RBFOX1: variants seen among roughly 807,000 people sequenced by gnomAD.
RBFOX1 encodes the protein RNA binding fox-1 homolog 1.
In RBFOX1, 8 loss-of-function variants were observed where a neutral mutation model predicts 57.7. The observed-to-expected ratio is 0.14, with a 90% CI of 0.08 to 0.25. The LOEUF (loss-of-function observed/expected upper bound fraction) is 0.25, where lower values mean the gene tolerates loss of function less well. Ranked by LOEUF, RBFOX1 falls within the 10% of genes least tolerant of loss-of-function variation. The pLI is 1.00. For missense variants in RBFOX1, 611 were observed against 548.5 expected, an observed-to-expected ratio of 1.11 and a Z score of -1.14; for synonymous variants, 326 against 222.4, an observed-to-expected ratio of 1.47 and a Z score of -4.15.
chr16:6,124,315 AG>A (rs2096573000), intron 1 of RBFOX1, among the ~76,000 whole-genome samples: 1 of 152,166 alleles, frequency 6.6e-6, no homozygotes, highest in African/African-American at 2.4e-5. Flanking sequence ...TTGCAGTTAT[AG>A]CCCCAGCGTG....
chr16:5,545,235 C>A (rs964840894), intron 2 of RBFOX1, among the ~76,000 whole-genome samples: 18 of 152,046 alleles, frequency 1.2e-4, no homozygotes, highest in African/African-American at 4.4e-4. Context: ...GCCTTGGCCT[C>A]CCAAAGTGCT....
intron 4 of RBFOX1, among the ~76,000 whole-genome samples, chr16:7,270,947 G>T (rs969369731): frequency 6.6e-6 from 1 of 152,140 alleles, no homozygotes; most frequent in Non-Finnish European, 1.5e-5. Flanking sequence ...AGGGGTTACG[G>T]TGGGGCTGGG....
At chr16:6,197,080 G>C (rs892829389) in intron 1 of RBFOX1, among the ~76,000 whole-genome samples, 3 of 152,204 alleles carry the variant, frequency 2.0e-5, no homozygotes, top group African/African-American at 7.2e-5. Context: ...CACCTAGCCA[G>C]TGATTTAAGG....
chr16:6,475,404 G>A (rs1181533116), intron 2 of RBFOX1, among the ~76,000 whole-genome samples: 3 of 152,188 alleles, frequency 2.0e-5, no homozygotes, highest in East Asian at 1.9e-4. Context: ...AGTCTGCTAC[G>A]CTTCAGGAAT....
intron 1 of RBFOX1, among the ~76,000 whole-genome samples, chr16:6,312,663 TC>T (rs2080490565): frequency 1.6e-5 from 1 of 61,064 alleles, no homozygotes; most frequent in Non-Finnish European, 4.0e-5. Flanking sequence ...TTTCCTTCCT[TC>T]CTTCCTTCCT....
chr16:7,543,201 G>A (rs1271532069), intron 5 of RBFOX1, among the ~76,000 whole-genome samples: 1 of 152,172 alleles, frequency 6.6e-6, no homozygotes, highest in African/African-American at 2.4e-5. Flanking sequence ...AAGCCTTAGG[G>A]AATGGCCAAT....
At chr16:7,407,296 T>C (rs969397303) in intron 4 of RBFOX1, among the ~76,000 whole-genome samples, 5 of 152,110 alleles carry the variant, frequency 3.3e-5, no homozygotes, top group Non-Finnish European at 7.4e-5. Flanking sequence ...ACAGGTAGTT[T>C]AGAGCTGCCA....
intron 2 of RBFOX1, among the ~76,000 whole-genome samples, chr16:6,570,448 A>G (rs1600181247): frequency 6.6e-6 from 1 of 152,222 alleles, no homozygotes; most frequent in Admixed American, 6.5e-5. Flanking sequence ...CTGAGTTAAT[A>G]CACTCTAATA....
intron 3 of RBFOX1, among the ~76,000 whole-genome samples, chr16:6,890,288 G>T (rs2065095918): frequency 6.6e-6 from 1 of 152,134 alleles, no homozygotes; most frequent in African/African-American, 2.4e-5. Flanking sequence ...GGAGGCCGAG[G>T]CAGGTGGATT....
chr16:6,824,013 G>C (rs1044570532), intron 3 of RBFOX1, among the ~76,000 whole-genome samples: 3 of 152,222 alleles, frequency 2.0e-5, no homozygotes, highest in Non-Finnish European at 4.4e-5. Flanking sequence ...TGAAAGTGTG[G>C]AGAAAGTGTA....
chr16:6,457,545 C>T (rs959814688), intron 2 of RBFOX1, among the ~76,000 whole-genome samples: 1 of 150,828 alleles, frequency 6.6e-6, no homozygotes, highest in Admixed American at 6.7e-5. Flanking sequence ...TAACTTTAAT[C>T]ATCTGAGCTC....
At chr16:6,587,495 T>A (rs149293521) in intron 2 of RBFOX1, among the ~76,000 whole-genome samples, 16,034 of 152,076 alleles carry the variant, frequency 0.11, 1,202 homozygotes, top group East Asian at 0.38. Flanking sequence ...TTGGCCAGGG[T>A]GGTCTTGAAC....
At chr16:6,984,802 G>C (rs1271608798) in intron 3 of RBFOX1, among the ~76,000 whole-genome samples, 1 of 152,000 alleles carries the variant, frequency 6.6e-6, no homozygotes, top group Non-Finnish European at 1.5e-5. Context: ...CACCACACCT[G>C]GCTAATTTTT....
intron 4 of RBFOX1, among the ~76,000 whole-genome samples, chr16:7,369,456 A>T (rs1309388198): frequency 6.6e-6 from 1 of 152,160 alleles, no homozygotes; most frequent in East Asian, 1.9e-4. Context: ...ATGTTCACGC[A>T]TGGAACCAAG....
At chr16:6,749,445 A>G (rs896652891) in intron 3 of RBFOX1, among the ~76,000 whole-genome samples, 1 of 152,176 alleles carries the variant, frequency 6.6e-6, no homozygotes, top group Non-Finnish European at 1.5e-5. Context: ...CAGGCAATTT[A>G]TACTCATAAC....
At chr16:5,889,990 C>G (rs528440546) in intron 4 of RBFOX1, among the ~76,000 whole-genome samples, 3 of 152,184 alleles carry the variant, frequency 2.0e-5, no homozygotes, top group African/African-American at 7.2e-5. Context: ...CCAGCTTCTC[C>G]TCTTCATCTT....
chr16:6,343,906 C>T (rs1399210230), intron 2 of RBFOX1, among the ~76,000 whole-genome samples: 1 of 152,180 alleles, frequency 6.6e-6, no homozygotes, highest in African/African-American at 2.4e-5. Context: ...TGATGCTTCT[C>T]ATGTAAATTG....
rs563247611 is a variant in RBFOX1 at position 5,539,355 on chromosome 16, G to C, written c.259-59547G>C. On this transcript the variant is annotated intron_variant, in intron 2 of 2. Coordinates refer to the RBFOX1 transcript ENST00000585867. ...CGCCTGTAATCCCAGCACTTTGGGAGGCTGAGGCGGGTGGATCACTTGAGG... is the reference window on the plus strand; with the variant it reads ...CGCCTGTAATCCCAGCACTTTGGGACGCTGAGGCGGGTGGATCACTTGAGG... Among the ~76,000 whole-genome samples, 24 of 152,058 alleles carry C rather than the reference G, an allele frequency of 1.6e-4. No individual in the cohort carries two copies. The South Asian group carries it at 2.7e-3, about 17-fold the overall frequency.
chr16:5,552,218 C>G (rs8058741), intron 2 of RBFOX1, among the ~76,000 whole-genome samples: 43,183 of 151,992 alleles, frequency 0.28, 6,824 homozygotes, highest in Non-Finnish European at 0.35. Flanking sequence ...TGATTCCCAG[C>G]CCTTGGGGAT....
Sources: gnomAD v4.1 joint callset for allele counts (sites outside exome capture counted in the v4.1 genomes callset) on GRCh38, gnomAD v4.1.1 for gene constraint, MANE v1.5 for transcripts, NCBI Gene and HGNC (gene_info 2026-07-23, HGNC 2026-07-21) for gene names.